Variants in DPYD observed in about 807,000 individuals in gnomAD.
DPYD encodes the protein dihydropyrimidine dehydrogenase, also known as dihydropyrimidine dehydrogenase [NADP(+)].
Under a neutral mutation model 116.2 loss-of-function variants are expected in DPYD, and 109 were observed. That is an observed-to-expected ratio of 0.94 (90% CI 0.80 to 1.10). DPYD has a LOEUF of 1.10. DPYD is among the 50% of genes least tolerant of loss of function. The probability of loss-of-function intolerance (pLI) is 0.00; values close to 1 mark genes in which losing one functional copy is unlikely to be tolerated. For synonymous variants in DPYD, 440 were observed against 432.0 expected (o/e 1.02, Z -0.23); for missense variants, 1,302 against 1,254.5 (o/e 1.04, Z -0.57).
intron 2 of DPYD, among the ~76,000 whole-genome samples, chr1:97,838,481 C>G (rs1384145640): frequency 6.6e-6 from 1 of 152,180 alleles, no homozygotes; most frequent in East Asian, 1.9e-4. Context: ...TCAGATTTTT[C>G]AAGTTACTCA....
At chr1:97,769,086 T>G (rs1014816760) in intron 3 of DPYD, among the ~76,000 whole-genome samples, 1 of 152,108 alleles carries the variant, frequency 6.6e-6, no homozygotes, top group Non-Finnish European at 1.5e-5. Flanking sequence ...GAGGACTTTC[T>G]ATAGCTATTC....
chr1:97,529,819 TTTTC>T (rs1010898336), intron 12 of DPYD, among the ~76,000 whole-genome samples: 30 of 151,360 alleles, frequency 2.0e-4, no homozygotes, highest in African/African-American at 6.1e-4. Flanking sequence ...TTTCCTTTCC[TTTTC>T]TTTTTCTCTC....
chr1:97,501,869 G>T (rs890286200), intron 13 of DPYD, among the ~76,000 whole-genome samples: 1 of 151,958 alleles, frequency 6.6e-6, no homozygotes, highest in African/African-American at 2.4e-5. Context: ...TGAGTTACAT[G>T]ATTTTAACAT....
chr1:97,422,825 G>A (rs1057445498), intron 14 of DPYD, among the ~76,000 whole-genome samples: 3 of 152,132 alleles, frequency 2.0e-5, no homozygotes, highest in Admixed American at 6.6e-5. Context: ...AATGTGGTAA[G>A]TGCTACAAAC....
At chr1:97,640,120 T>C (rs1164278813) in intron 8 of DPYD, among the ~76,000 whole-genome samples, 1 of 152,174 alleles carries the variant, frequency 6.6e-6, no homozygotes, top group Non-Finnish European at 1.5e-5. Context: ...TTTAAATACA[T>C]ACTAATGAAG....
At chr1:97,784,641 TA>T (rs778058754) in intron 3 of DPYD, among the ~76,000 whole-genome samples, 3 of 152,206 alleles carry the variant, frequency 2.0e-5, no homozygotes, top group Non-Finnish European at 2.9e-5. Flanking sequence ...CTCTCTCTCA[TA>T]AATGATCTGT....
chr1:97,879,871 G>C (rs549243897), intron 2 of DPYD, among the ~76,000 whole-genome samples: 1 of 151,548 alleles, frequency 6.6e-6, no homozygotes, highest in Admixed American at 6.6e-5. Context: ...AAGATGCTTC[G>C]AGCACCAAAG....
At chr1:97,259,890 A>G (rs1221364869) in intron 18 of DPYD, among the ~76,000 whole-genome samples, 1 of 152,136 alleles carries the variant, frequency 6.6e-6, no homozygotes, top group African/African-American at 2.4e-5. Flanking sequence ...ATCTCTTTAC[A>G]TATATACATA....
chr1:97,449,756 C>T (rs1483783054), intron 14 of DPYD, among the ~76,000 whole-genome samples: 1 of 152,020 alleles, frequency 6.6e-6, no homozygotes, highest in Non-Finnish European at 1.5e-5. Context: ...TCATAAATAC[C>T]AGCCACATAC....
chr1:97,872,022 T>A (rs6604093), intron 2 of DPYD, among the ~76,000 whole-genome samples: 110,179 of 151,666 alleles, frequency 0.73, 40,656 homozygotes, highest in East Asian at 0.93. Context: ...GAGACAGTAA[T>A]GGAATCAGAA....
At chr1:97,808,307 T>C (rs1668176983) in intron 3 of DPYD, among the ~76,000 whole-genome samples, 1 of 152,194 alleles carries the variant, frequency 6.6e-6, no homozygotes, top group Admixed American at 6.5e-5. Flanking sequence ...TTTTATAGAT[T>C]TCCTCATATA....
intron 2 of DPYD, among the ~76,000 whole-genome samples, chr1:97,846,882 G>A (rs193178344): frequency 7.9e-5 from 12 of 152,028 alleles, no homozygotes; most frequent in African/African-American, 1.9e-4. Context: ...TTAGTTCATC[G>A]TATGTTTTCA....
intron 8 of DPYD, among the ~76,000 whole-genome samples, chr1:97,615,828 C>G (rs898318624): frequency 6.6e-6 from 1 of 152,128 alleles, no homozygotes; most frequent in African/African-American, 2.4e-5. Flanking sequence ...TCAGCAATTA[C>G]ACTTCATTTC....
At chr1:97,314,490 CTTT>C (rs66629750) in intron 16 of DPYD, among the ~76,000 whole-genome samples, 11 of 123,364 alleles carry the variant, frequency 8.9e-5, no homozygotes, top group Admixed American at 2.6e-4. Flanking sequence ...CTAAAGCTTT[CTTT>C]TTTTTTTTTT....
chr1:97,326,256 G>A (rs947004790), intron 16 of DPYD, among the ~76,000 whole-genome samples: 2 of 151,930 alleles, frequency 1.3e-5, no homozygotes, highest in African/African-American at 4.8e-5. Flanking sequence ...AAACACAAGA[G>A]AAGCAGGTTT....
At chr1:97,403,490 C>A (rs1212632111) in intron 14 of DPYD, among the ~76,000 whole-genome samples, 1 of 151,966 alleles carries the variant, frequency 6.6e-6, no homozygotes, top group Non-Finnish European at 1.5e-5. Context: ...GATTTGATTT[C>A]TTTAATAGAT....
At chr1:97,181,707 T>C (rs953321690) in intron 20 of DPYD, among the ~76,000 whole-genome samples, 13 of 152,150 alleles carry the variant, frequency 8.5e-5, no homozygotes, top group African/African-American at 3.1e-4. Flanking sequence ...ATTGCTCAAA[T>C]GTTTCTATCT....
chr1:97,195,508 G>A (rs1307964036), intron 19 of DPYD, among the ~76,000 whole-genome samples: 2 of 102,178 alleles, frequency 2.0e-5, no homozygotes, highest in African/African-American at 3.9e-5. Flanking sequence ...CCAGAATGGG[G>A]AATGGGATAA....
intron 18 of DPYD, among the ~76,000 whole-genome samples, chr1:97,279,757 A>C (rs1168920307): frequency 6.6e-6 from 1 of 152,024 alleles, no homozygotes; most frequent in Non-Finnish European, 1.5e-5. Context: ...TGATCCGCCC[A>C]CCTCAGCCTC....
Sources: gnomAD v4.1 joint callset for allele counts (sites outside exome capture counted in the v4.1 genomes callset) on GRCh38, gnomAD v4.1.1 for gene constraint, MANE v1.5 for transcripts, NCBI Gene and HGNC (gene_info 2026-07-23, HGNC 2026-07-21) for gene names.